MSRA: variants seen among roughly 807,000 people sequenced by gnomAD.
MSRA encodes the protein mitochondrial peptide methionine sulfoxide reductase.
In MSRA, 54 loss-of-function variants were observed where a neutral mutation model predicts 31.3. That is an observed-to-expected ratio of 1.73 (90% CI 1.39 to 2.17). MSRA has a LOEUF of 2.17. Among genes scored for constraint, MSRA ranks in the 30% most tolerant of loss-of-function variants. MSRA has a pLI of 0.00. For synonymous variants in MSRA, 169 were observed against 116.5 expected, an observed-to-expected ratio of 1.45 and a Z score of -2.90; for missense variants, 507 against 300.9, an observed-to-expected ratio of 1.69 and a Z score of -5.07.
chr8:10,222,195 T>G (rs1184712404), intron 2 of MSRA, among the ~76,000 whole-genome samples: 1 of 152,192 alleles, frequency 6.6e-6, no homozygotes, highest in African/African-American at 2.4e-5. Flanking sequence ...TCAATACTTT[T>G]GGCTTTTGAA....
intron 1 of MSRA, among the ~76,000 whole-genome samples, chr8:10,087,899 A>G (rs989663928): frequency 6.6e-6 from 1 of 152,244 alleles, no homozygotes; most frequent in Admixed American, 6.5e-5. Flanking sequence ...CCTCATACAT[A>G]TAAATCACAG....
At chr8:10,259,876 A>G (rs1798380720) in intron 3 of MSRA, among the ~76,000 whole-genome samples, 1 of 152,002 alleles carries the variant, frequency 6.6e-6, no homozygotes, top group Non-Finnish European at 1.5e-5. Flanking sequence ...GGTGTTCCTG[A>G]CTCGGGCTCT....
intron 1 of MSRA, among the ~76,000 whole-genome samples, chr8:10,120,131 A>C (rs1194996181): frequency 6.6e-6 from 1 of 152,172 alleles, no homozygotes; most frequent in Non-Finnish European, 1.5e-5. Flanking sequence ...AACAGAAACC[A>C]GAGTTCAAGG....
chr8:10,065,294 C>G (rs1797401284), intron 1 of MSRA, among the ~76,000 whole-genome samples: 1 of 152,158 alleles, frequency 6.6e-6, no homozygotes, highest in East Asian at 1.9e-4. Context: ...GGGAAAGCAC[C>G]TGACACCAGG....
In MSRA at chr8:10,245,218, G is replaced by C; in HGVS notation, c.326G>C (p.Cys109Ser). The change falls in exon 3 of 6, where the codon TGC (cysteine) becomes TCC (serine). Residue 109 changes from cysteine to serine, a missense_variant. By Grantham distance (112) the Cys-to-Ser change is moderately radical (BLOSUM62 -1). Coordinates refer to ENST00000317173, the MANE Select transcript of MSRA (RefSeq NM_012331.5). The stretch of plus-strand genomic sequence containing the variant: ...TCAAATCCTACTTATAAAGAAGTCT[G>C]CTCAGGTAGGAAGAATTTGCTTTAT... ...YTSNPTYKEV[C>S]SEKTGHAEVV... 1 of 1,612,936 alleles carries C rather than the reference G, an allele frequency of 6.2e-7. No individual in the cohort carries two copies. The highest frequency in any genetic ancestry group is 8.5e-7 in the Non-Finnish European group (1 of 1,179,452).
intron 4 of MSRA, among the ~76,000 whole-genome samples, chr8:10,314,444 G>C (rs1801604021): frequency 6.6e-6 from 1 of 152,056 alleles, no homozygotes; most frequent in Admixed American, 6.6e-5. Context: ...AAGATCAAGT[G>C]AGATTCCATT....
At chr8:10,070,422 A>C (rs1161787904) in intron 1 of MSRA, among the ~76,000 whole-genome samples, 1 of 152,178 alleles carries the variant, frequency 6.6e-6, no homozygotes, top group East Asian at 1.9e-4. Flanking sequence ...TTTTCAATTA[A>C]GTTTTAAATT....
At chr8:10,208,339 C>G (rs1053787110) in intron 2 of MSRA, among the ~76,000 whole-genome samples, 1 of 152,106 alleles carries the variant, frequency 6.6e-6, no homozygotes, top group Admixed American at 6.5e-5. Context: ...ATTAAGCACG[C>G]TCCTTAAGAG....
intron 1 of MSRA, among the ~76,000 whole-genome samples, chr8:10,101,604 C>A (rs1314939366): frequency 6.6e-6 from 1 of 152,194 alleles, no homozygotes; most frequent in Non-Finnish European, 1.5e-5. Flanking sequence ...AATTTGACTA[C>A]TTCAGGTACC....
At chr8:10,399,691 A>T (rs188161537) in intron 5 of MSRA, among the ~76,000 whole-genome samples, 13 of 152,320 alleles carry the variant, frequency 8.5e-5, no homozygotes, top group Admixed American at 6.5e-4. Context: ...ATGGCCTAAA[A>T]CAATAGGCTT....
chr8:10,241,061 T>C (rs1442653910), intron 2 of MSRA, among the ~76,000 whole-genome samples: 2 of 152,176 alleles, frequency 1.3e-5, no homozygotes, highest in Non-Finnish European at 2.9e-5. Flanking sequence ...CTGTAGCCCC[T>C]TGACCTTATA....
intron 2 of MSRA, among the ~76,000 whole-genome samples, chr8:10,221,559 G>A (rs1482301507): frequency 6.6e-6 from 1 of 152,028 alleles, no homozygotes; most frequent in Non-Finnish European, 1.5e-5. Flanking sequence ...TAATGGCCTG[G>A]CACTGAGATT....
chr8:10,198,567 A>C (rs1808199732), intron 1 of MSRA, among the ~76,000 whole-genome samples: 1 of 152,208 alleles, frequency 6.6e-6, no homozygotes, highest in Admixed American at 6.5e-5. Context: ...TATCTCCTAC[A>C]GTAGCTATTT....
intron 1 of MSRA, among the ~76,000 whole-genome samples, chr8:10,152,215 G>C (rs1803743783): frequency 6.6e-6 from 1 of 152,166 alleles, no homozygotes; most frequent in Non-Finnish European, 1.5e-5. Context: ...CTGTCTGTGT[G>C]CAAATATATG....
At chr8:10,352,607 G>A (rs1255405319) in intron 5 of MSRA, among the ~76,000 whole-genome samples, 2 of 152,112 alleles carry the variant, frequency 1.3e-5, no homozygotes, top group Admixed American at 6.5e-5. Flanking sequence ...TTCCTGAAGT[G>A]CCATTTTGTC....
rs1463851202 is a variant in MSRA, at chr8:10,428,706, C to G, written c.*394C>G. On this transcript the variant is annotated 3_prime_UTR_variant, in exon 6 of 6. Coordinates refer to ENST00000317173, the MANE Select transcript of MSRA (RefSeq NM_012331.5). The stretch of plus-strand genomic sequence containing the variant: ...CTTACAATTTGCAAACGTGTATAGC[C>G]TCAGTGACTCATTCGCTGAAATCCT... The G allele has an allele frequency of 1.9e-5, 4 of 212,914 alleles. No homozygotes were observed. Among genetic ancestry groups the G allele is most frequent in the Admixed American group, 5.9e-5 (1 of 16,884 alleles). 13.2% of individuals were successfully genotyped at this position (212,914 alleles called of 1,614,324 possible). A position where few individuals can be genotyped will look rare whatever the true frequency, so the allele number is the denominator to read the frequency against.
intron 1 of MSRA, among the ~76,000 whole-genome samples, chr8:10,088,372 T>C (rs988425843): frequency 2.6e-5 from 4 of 152,198 alleles, no homozygotes; most frequent in Admixed American, 2.6e-4. Context: ...CTTGTAAAGA[T>C]GTCTGCACTC....
intron 1 of MSRA, among the ~76,000 whole-genome samples, chr8:10,055,067 C>A (rs1802262138): frequency 6.6e-6 from 1 of 152,194 alleles, no homozygotes; most frequent in African/African-American, 2.4e-5. Flanking sequence ...ACCCAGGGCA[C>A]CTGCAGCGGG....
chr8:10,369,260 A>G (rs1422154330), intron 5 of MSRA, among the ~76,000 whole-genome samples: 1 of 152,134 alleles, frequency 6.6e-6, no homozygotes, highest in Non-Finnish European at 1.5e-5. Context: ...TAAAAAAAAA[A>G]AAAACGAAGA....
Sources: gnomAD v4.1 joint callset for allele counts (sites outside exome capture counted in the v4.1 genomes callset) on GRCh38, gnomAD v4.1.1 for gene constraint, MANE v1.5 for transcripts, NCBI Gene and HGNC (gene_info 2026-07-23, HGNC 2026-07-21) for gene names.